NRF1: variants seen among roughly 807,000 people sequenced by gnomAD.
NRF1 encodes the protein alpha palindromic-binding protein.
A neutral mutation model predicts 58.5 loss-of-function variants in NRF1; 5 were observed. The ratio of observed to expected loss-of-function variants is 0.09; its 90% CI spans 0.04 to 0.18. NRF1 has a LOEUF of 0.18. Among genes scored for constraint, NRF1 ranks in the 10% least tolerant of loss-of-function variants. NRF1 has a pLI of 1.00. For synonymous variants in NRF1, 224 were observed against 246.7 expected, an observed-to-expected ratio of 0.91 and a Z score of 0.86; for missense variants, 288 against 657.7, an observed-to-expected ratio of 0.44 and a Z score of 6.15.
At chr7:129,665,220 A>G (rs771921109) in intron 2 of NRF1, among the ~76,000 whole-genome samples, 1 of 152,214 alleles carries the variant, frequency 6.6e-6, no homozygotes, top group Non-Finnish European at 1.5e-5. Context: ...TGAGGCAGGC[A>G]TGAGTCAGAC....
At chr7:129,653,061 T>C (rs1280599056) in intron 1 of NRF1, among the ~76,000 whole-genome samples, 1 of 152,228 alleles carries the variant, frequency 6.6e-6, no homozygotes, top group Non-Finnish European at 1.5e-5. Flanking sequence ...CCAGAACTCT[T>C]TATCTTGCAG....
At chr7:129,730,962 T>G in intron 10 of NRF1, among the ~76,000 whole-genome samples, 1 of 145,970 alleles carries the variant, frequency 6.9e-6, no homozygotes, top group African/African-American at 2.6e-5. Context: ...GGGTGAGAGA[T>G]CAAGACCCTG....
Position 129,686,180 on chromosome 7 carries a change from G to T in NRF1, c.466-4226G>T, listed in dbSNP as rs192649688. 3.3e-3 allele frequency among the ~76,000 whole-genome samples: 504 copies of T among 152,084 alleles called. 1 individual carries two copies. The highest frequency in any genetic ancestry group is 8.4e-3 in the Admixed American group (128 of 15,250). The stretch of plus-strand genomic sequence containing the variant: ...AGATGCCAAGGTGAGCGACGAGGTT[G>T]GGCAGCTAAAGAAGGAAGAAGGTGA... On this transcript the variant is annotated intron_variant, in intron 4 of 10. Coordinates refer to ENST00000393232, the MANE Select transcript of NRF1 (RefSeq NM_005011.5).
rs192282831 is a variant in NRF1, at chr7:129,632,135, C to T, written c.-7+20311C>T. 1.8e-4 allele frequency among the ~76,000 whole-genome samples: 27 copies of T among 152,024 alleles called. No homozygotes were observed. The East Asian group carries it at 2.3e-3, about 13-fold the overall frequency. On this transcript the variant is annotated intron_variant, in intron 1 of 10. Transcript: ENST00000393232. ...AAAAAAATTTTAAAAATTAGCTGAG[C>T]GTGGGTAATGTGCACGTAGTCCCAG... is the stretch of plus-strand genomic sequence containing the variant.
chr7:129,712,242 A>T (rs1174230644), intron 8 of NRF1, among the ~76,000 whole-genome samples: 3 of 152,206 alleles, frequency 2.0e-5, no homozygotes, highest in Non-Finnish European at 2.9e-5. Context: ...TGCATTGAGA[A>T]AAACATTACC....
intron 5 of NRF1, among the ~76,000 whole-genome samples, chr7:129,706,802 G>A (rs1802960471): frequency 6.6e-6 from 1 of 152,150 alleles, no homozygotes; most frequent in South Asian, 2.1e-4. Context: ...GGTGCAAATA[G>A]GGTGAGGCGT....
chr7:129,696,207 G>T (rs1244485326), intron 5 of NRF1, among the ~76,000 whole-genome samples: 1 of 151,946 alleles, frequency 6.6e-6, no homozygotes, highest in Non-Finnish European at 1.5e-5. Flanking sequence ...TCATGCCATC[G>T]CACTCCAGCC....
At chr7:129,719,451 A>G (rs947268531) in intron 9 of NRF1, among the ~76,000 whole-genome samples, 3 of 151,874 alleles carry the variant, frequency 2.0e-5, no homozygotes, top group African/African-American at 7.2e-5. Context: ...TCATTTTAAA[A>G]GAAGTATGGC....
chr7:129,725,606 C>T lies in NRF1; in HGVS notation c.1224-1635C>T, dbSNP rs990323314. ...CCTCCCAAAGAGCTAGGATTACAGG[C>T]GTGAGCCACCATGCCTGGCCTTATC... is the stretch of plus-strand genomic sequence containing the variant. On this transcript the variant is annotated intron_variant, in intron 9 of 10. Coordinates refer to ENST00000393232, the MANE Select transcript of NRF1 (RefSeq NM_005011.5). 9.2e-5 allele frequency among the ~76,000 whole-genome samples: 14 copies of T among 152,244 alleles called. No homozygotes were observed. In the East Asian group the frequency reaches 2.1e-3, roughly 23 times the overall value.
intron 1 of NRF1, among the ~76,000 whole-genome samples, chr7:129,631,861 A>G (rs1028290597): frequency 6.6e-6 from 1 of 152,226 alleles, no homozygotes; most frequent in African/African-American, 2.4e-5. Context: ...TTCTTTGTGT[A>G]AGGCATAGAT....
In NRF1 at chr7:129,611,771, C is replaced by T. The variant is rs1322727234; in HGVS notation, c.-60C>T. ...CTGGTGGCAGGAGGCTGCGAGGAGCCGGCGCGGTCGCAGTCTCCACGGCGC... is the reference window on the plus strand; with the variant it reads ...CTGGTGGCAGGAGGCTGCGAGGAGCTGGCGCGGTCGCAGTCTCCACGGCGC... On this transcript the variant is annotated 5_prime_UTR_variant, in exon 1 of 11. Transcript: ENST00000393232. 4 of 283,334 alleles carry T rather than the reference C, an allele frequency of 1.4e-5. No individual in the cohort carries two copies. Among genetic ancestry groups the T allele is most frequent in the East Asian group, 6.0e-5 (1 of 16,658 alleles). 17.6% of individuals were successfully genotyped at this position (283,334 alleles called of 1,614,324 possible). A position where few individuals can be genotyped will look rare whatever the true frequency, so the allele number is the denominator to read the frequency against.
At chr7:129,612,323 G>C (rs573853166) in intron 1 of NRF1, among the ~76,000 whole-genome samples, 70 of 151,748 alleles carry the variant, frequency 4.6e-4, no homozygotes, top group African/African-American at 1.6e-3. Context: ...CGGCGCGGTG[G>C]GGCCGGGCTG....
chr7:129,754,015 G>A (rs1804186034), intron 10 of NRF1, among the ~76,000 whole-genome samples: 1 of 152,136 alleles, frequency 6.6e-6, no homozygotes, highest in African/African-American at 2.4e-5. Context: ...CTGAGAGGGA[G>A]AAGACAGGCC....
At chr7:129,674,484 G>C (rs776485815) in intron 3 of NRF1, among the ~76,000 whole-genome samples, 1 of 151,868 alleles carries the variant, frequency 6.6e-6, no homozygotes, top group Non-Finnish European at 1.5e-5. Flanking sequence ...GTCCAAGCTA[G>C]AGTGCAGTGG....
At position 129,703,421 on chromosome 7, in the gene NRF1, C is replaced by G. The variant is rs139380015; in HGVS notation, c.607-5654C>G. Among the ~76,000 whole-genome samples the G allele has an allele frequency of 1.1e-3, 162 of 152,294 alleles. 2 individuals carry two copies. The highest frequency in any genetic ancestry group is 0.01 in the Middle Eastern group (3 of 294). ...TCTGGTTTCCAGAACTCTCCAGGAC[C>G]AGTAATTAATTCAACTGGTAATGAG... is the stretch of plus-strand genomic sequence containing the variant. On this transcript the variant is annotated intron_variant, in intron 5 of 10. Transcript: ENST00000393232.
At chr7:129,677,994 AG>A (rs890555857) in intron 4 of NRF1, among the ~76,000 whole-genome samples, 2 of 91,094 alleles carry the variant, frequency 2.2e-5, no homozygotes, top group Non-Finnish European at 2.4e-5. Context: ...GGCCGGGGGA[AG>A]GGGGGAGGGG....
intron 5 of NRF1, among the ~76,000 whole-genome samples, chr7:129,692,632 TA>T (rs1802597315): frequency 6.6e-6 from 1 of 152,194 alleles, no homozygotes; most frequent in Admixed American, 6.5e-5. Context: ...CTTCCTTGTT[TA>T]AGCCCTGTAA....
chr7:129,647,404 CT>C (rs1274782003), intron 1 of NRF1, among the ~76,000 whole-genome samples: 317 of 131,522 alleles, frequency 2.4e-3, no homozygotes, highest in South Asian at 4.6e-3. Context: ...TCTTTTCTTG[CT>C]TTTTTTTTTT....
intron 2 of NRF1, among the ~76,000 whole-genome samples, chr7:129,657,786 ATT>A (rs1443841859): frequency 6.6e-6 from 1 of 151,686 alleles, no homozygotes; most frequent in Non-Finnish European, 1.5e-5. Context: ...ATTTTTGTAT[ATT>A]TTGTAGAGAC....
Sources: allele counts gnomAD v4.1 joint callset (sites outside exome capture counted in the v4.1 genomes callset), GRCh38; gene constraint gnomAD v4.1.1; transcripts MANE v1.5; gene names NCBI Gene and HGNC (gene_info 2026-07-23, HGNC 2026-07-21).